Variants in LIN28B observed in about 807,000 individuals in gnomAD.
LIN28B encodes protein lin-28 homolog B.
A neutral mutation model predicts 21.9 loss-of-function variants in LIN28B; 5 were observed. The ratio of observed to expected loss-of-function variants is 0.23; its 90% CI spans 0.12 to 0.48. The LOEUF is 0.48. Among genes scored for constraint, LIN28B ranks in the 20% least tolerant of loss-of-function variants. LIN28B has a pLI of 0.98. For missense variants in LIN28B, 245 were observed against 310.5 expected (o/e 0.79, Z 1.58); for synonymous variants, 109 against 111.3 (o/e 0.98, Z 0.13).
At chr6:104,956,943 C>G, upstream of LIN28B, 1 of 502,798 alleles carries the variant, frequency 2.0e-6, no homozygotes, top group Non-Finnish European at 3.2e-6. Context: ...CGTGTTCATT[C>G]ATAAATTATT....
At chr6:104,991,928 C>T (rs1374632832) in intron 2 of LIN28B, among the ~76,000 whole-genome samples, 2 of 148,016 alleles carry the variant, frequency 1.4e-5, no homozygotes, top group Non-Finnish European at 3.0e-5. Flanking sequence ...GAGAATCAGG[C>T]AGGGAGGTTG....
At chr6:105,038,928 T>C (rs1771578003) in intron 3 of LIN28B, among the ~76,000 whole-genome samples, 1 of 152,176 alleles carries the variant, frequency 6.6e-6, no homozygotes, top group African/African-American at 2.4e-5. Flanking sequence ...GTGAAGAACG[T>C]TCCACAATAC....
intron 2 of LIN28B, among the ~76,000 whole-genome samples, chr6:104,973,055 G>A (rs1036078683): frequency 4.0e-5 from 6 of 151,562 alleles, no homozygotes; most frequent in African/African-American, 1.5e-4. Flanking sequence ...AGGTTGCAGC[G>A]AGCCGAGATT....
At chr6:105,005,604 G>GCTCT (rs139594936) in intron 2 of LIN28B, among the ~76,000 whole-genome samples, 5 of 148,698 alleles carry the variant, frequency 3.4e-5, no homozygotes, top group Admixed American at 1.3e-4. Context: ...TCGTCCCTTG[G>GCTCT]CTCTCTCTCT....
At chr6:105,008,571 G>T (rs1461845193) in intron 2 of LIN28B, among the ~76,000 whole-genome samples, 1 of 151,616 alleles carries the variant, frequency 6.6e-6, no homozygotes, top group Non-Finnish European at 1.5e-5. Flanking sequence ...GTGAACCCGG[G>T]AGGTGGAGTT....
At chr6:105,021,966 T>G (rs2114329286) in intron 2 of LIN28B, among the ~76,000 whole-genome samples, 1 of 152,264 alleles carries the variant, frequency 6.6e-6, no homozygotes, top group Admixed American at 6.5e-5. Flanking sequence ...GAAATATAAG[T>G]TATCCAGTTT....
intron 2 of LIN28B, among the ~76,000 whole-genome samples, chr6:104,967,715 A>G (rs1407612467): frequency 1.3e-5 from 2 of 151,454 alleles, no homozygotes; most frequent in Non-Finnish European, 2.9e-5. Flanking sequence ...GGTCTTCCTC[A>G]GTCACCCAGG....
At chr6:104,992,592 A>T (rs1582883849) in intron 2 of LIN28B, among the ~76,000 whole-genome samples, 1 of 151,324 alleles carries the variant, frequency 6.6e-6, no homozygotes, top group East Asian at 1.9e-4. Context: ...TTCAGCCTTA[A>T]CTTCCCAGGC....
At chr6:105,068,253 G>A (rs1772256536) in intron 3 of LIN28B, among the ~76,000 whole-genome samples, 1 of 152,032 alleles carries the variant, frequency 6.6e-6, no homozygotes, top group East Asian at 1.9e-4. Flanking sequence ...CCTTTCATTG[G>A]CATCTAATAC....
chr6:105,069,980 C>T (rs1772300125), intron 3 of LIN28B, among the ~76,000 whole-genome samples: 1 of 152,070 alleles, frequency 6.6e-6, no homozygotes, highest in African/African-American at 2.4e-5. Context: ...TCTTTCCCTT[C>T]CTCCTTCCCT....
At chr6:104,999,711 G>A (rs1050408890) in intron 2 of LIN28B, among the ~76,000 whole-genome samples, 3 of 151,866 alleles carry the variant, frequency 2.0e-5, no homozygotes, top group South Asian at 2.1e-4. Flanking sequence ...GACGGAGTTC[G>A]TTCTTGTCGC....
At chr6:104,971,932 T>G (rs962483884) in intron 2 of LIN28B, among the ~76,000 whole-genome samples, 1 of 152,090 alleles carries the variant, frequency 6.6e-6, no homozygotes, top group Non-Finnish European at 1.5e-5. Context: ...GTACTAACAT[T>G]TATTGTTGAA....
intron 2 of LIN28B, among the ~76,000 whole-genome samples, chr6:105,015,049 G>T (rs1270171527): frequency 6.6e-6 from 1 of 151,968 alleles, no homozygotes; most frequent in Admixed American, 6.6e-5. Context: ...TTGCTTGATG[G>T]TGTTTTTTAA....
chr6:104,989,249 A>C (rs1770409705), intron 2 of LIN28B, among the ~76,000 whole-genome samples: 1 of 151,976 alleles, frequency 6.6e-6, no homozygotes, highest in Non-Finnish European at 1.5e-5. Context: ...TTTTTGAGAC[A>C]GAGTATCTCT....
intron 2 of LIN28B, among the ~76,000 whole-genome samples, chr6:104,984,617 G>A (rs1189135574): frequency 6.6e-6 from 1 of 151,886 alleles, no homozygotes; most frequent in Non-Finnish European, 1.5e-5. Flanking sequence ...TTTAGTTTTT[G>A]TAGAGTCAGG....
intron 3 of LIN28B, among the ~76,000 whole-genome samples, chr6:105,046,608 G>A (rs1325175931): frequency 6.6e-6 from 1 of 152,092 alleles, no homozygotes; most frequent in African/African-American, 2.4e-5. Context: ...TTCCACAATG[G>A]TTGAACTAGT....
upstream of LIN28B, chr6:104,956,967 A>C (rs1401505280): frequency 1.4e-6 from 1 of 714,484 alleles, no homozygotes. Flanking sequence ...ATGTCAGCAT[A>C]GATGAAATGG....
chr6:105,012,296 T>C (rs1770940200), intron 2 of LIN28B, among the ~76,000 whole-genome samples: 1 of 151,720 alleles, frequency 6.6e-6, no homozygotes, highest in Non-Finnish European at 1.5e-5. Context: ...GGTGAAACCC[T>C]GTCTCTACTA....
intron 2 of LIN28B, among the ~76,000 whole-genome samples, chr6:104,966,834 G>C (rs1396706036): frequency 6.6e-6 from 1 of 152,130 alleles, no homozygotes; most frequent in African/African-American, 2.4e-5. Flanking sequence ...AGTTAGCCAG[G>C]ATGGTCTCAA....
Sources: gnomAD v4.1 joint callset for allele counts (sites outside exome capture counted in the v4.1 genomes callset) on GRCh38, gnomAD v4.1.1 for gene constraint, MANE v1.5 for transcripts, NCBI Gene and HGNC (gene_info 2026-07-23, HGNC 2026-07-21) for gene names.